The following MEIS2 variants were observed in gnomAD, a reference collection of about 807,000 sequenced individuals.
MEIS2 encodes the protein Meis homeobox 2, also known as homeobox protein Meis2.
Under a neutral mutation model 58.6 loss-of-function variants are expected in MEIS2, and 9 were observed. That is an observed-to-expected ratio of 0.15 (90% CI 0.09 to 0.27). The LOEUF is 0.27. Ranked by LOEUF, MEIS2 falls within the 10% of genes least tolerant of loss-of-function variation. MEIS2 has a pLI of 1.00. For missense variants in MEIS2, 427 were observed against 635.0 expected (o/e 0.67, Z 3.52); for synonymous variants, 221 against 228.4 (o/e 0.97, Z 0.29).
chr15:36,972,520 G>A (rs1357638596), intron 8 of MEIS2, among the ~76,000 whole-genome samples: 2 of 152,154 alleles, frequency 1.3e-5, no homozygotes, highest in East Asian at 3.9e-4. Context: ...GCCTCCCAAA[G>A]TGCTGGGATT....
intron 6 of MEIS2, among the ~76,000 whole-genome samples, chr15:37,085,021 A>G (rs2141922741): frequency 6.6e-6 from 1 of 152,352 alleles, no homozygotes; most frequent in South Asian, 2.1e-4. Flanking sequence ...CAATCAAAGT[A>G]TACAAAGTAT....
In MEIS2 at chr15:36,906,464, A is replaced by G. The variant is rs1034438945; in HGVS notation, c.978-9778T>C. On this transcript the variant is annotated intron_variant, in intron 9 of 11. Transcript: ENST00000561208. The stretch of plus-strand genomic sequence containing the variant: ...GATGAAAAAGGAGAGATACAAATAC[A>G]AAAGATATTAAGAGGATAAGTCTGA... Among the ~76,000 whole-genome samples, 5 of 152,162 alleles carry G rather than the reference A, an allele frequency of 3.3e-5. 1 individual carries two copies. The highest frequency in any genetic ancestry group is 6.5e-5 in the Admixed American group (1 of 15,286).
chr15:36,892,547 A>G, intron 11 of MEIS2, 88 bp from the exon 12 acceptor site: 1 of 1,223,802 alleles, frequency 8.2e-7, no homozygotes, highest in East Asian at 2.3e-5. Context: ...AAAAAAAAAA[A>G]AAAACAACAG....
At chr15:37,046,782 G>A (rs2062690724) in intron 7 of MEIS2, among the ~76,000 whole-genome samples, 1 of 151,630 alleles carries the variant, frequency 6.6e-6, no homozygotes, top group Non-Finnish European at 1.5e-5. Flanking sequence ...GAGAATGAAA[G>A]CTTCCAACAC....
At chr15:37,046,086 G>A (rs62045811) in intron 7 of MEIS2, among the ~76,000 whole-genome samples, 2,385 of 152,292 alleles carry the variant, frequency 0.016, 34 homozygotes, top group South Asian at 0.057. Flanking sequence ...CCAAATGCTC[G>A]GAGCTGCAGG....
chr15:37,054,649 G>A (rs2063061049), intron 7 of MEIS2, among the ~76,000 whole-genome samples: 1 of 152,148 alleles, frequency 6.6e-6, no homozygotes, highest in African/African-American at 2.4e-5. Flanking sequence ...CAACTTGTGA[G>A]CTCAAGCGAT....
intron 7 of MEIS2, among the ~76,000 whole-genome samples, chr15:37,068,214 G>A (rs1044982571): frequency 5.9e-5 from 9 of 152,226 alleles, no homozygotes; most frequent in African/African-American, 2.2e-4. Context: ...ACAAAGTTAT[G>A]AGCATTTGAG....
intron 8 of MEIS2, among the ~76,000 whole-genome samples, chr15:37,010,667 C>T (rs556103640): frequency 3.3e-5 from 5 of 152,324 alleles, no homozygotes; most frequent in East Asian, 1.9e-4. Flanking sequence ...GTTTGAGCCA[C>T]GGCACCCGGC....
At chr15:36,919,424 CAA>C (rs2057405611) in intron 9 of MEIS2, among the ~76,000 whole-genome samples, 1 of 151,804 alleles carries the variant, frequency 6.6e-6, no homozygotes, top group Admixed American at 6.6e-5. Context: ...ACCAAAAATA[CAA>C]AATTAGCTGG....
In MEIS2 at chr15:37,040,885, T is replaced by C. The variant is rs2062394451; in HGVS notation, c.755-3926A>G. On this transcript the variant is annotated intron_variant, in intron 7 of 11. Coordinates refer to ENST00000561208, the MANE Select transcript of MEIS2 (RefSeq NM_170675.5). ...TAGGGCGGGAAAAAGGAATTTGTAATTTCAACAATTCCTTGGGTTTGCTTA... is the reference window on the plus strand; with the variant it reads ...TAGGGCGGGAAAAAGGAATTTGTAACTTCAACAATTCCTTGGGTTTGCTTA... 1.3e-5 allele frequency among the ~76,000 whole-genome samples: 2 copies of C among 152,218 alleles called. 1 individual carries two copies. Among genetic ancestry groups the C allele is most frequent in the South Asian group, 4.1e-4 (2 of 4,832 alleles).
intron 8 of MEIS2, among the ~76,000 whole-genome samples, chr15:37,000,025 C>G (rs772321964): frequency 1.1e-4 from 17 of 152,106 alleles, no homozygotes; most frequent in Non-Finnish European, 2.4e-4. Flanking sequence ...CAAGTTGTAC[C>G]CTTTTTATCT....
intron 7 of MEIS2, among the ~76,000 whole-genome samples, chr15:37,049,074 C>A (rs1446869584): frequency 2.6e-5 from 4 of 152,112 alleles, no homozygotes; most frequent in Non-Finnish European, 5.9e-5. Flanking sequence ...ATGATGATTG[C>A]TTTAAATAAA....
At chr15:37,006,494 A>T (rs929531109) in intron 8 of MEIS2, among the ~76,000 whole-genome samples, 8 of 152,198 alleles carry the variant, frequency 5.3e-5, no homozygotes, top group Non-Finnish European at 1.2e-4. Flanking sequence ...TGGTCTATAA[A>T]CTATATTGTT....
intron 7 of MEIS2, among the ~76,000 whole-genome samples, chr15:37,077,825 G>A (rs1044245925): frequency 1.3e-5 from 2 of 151,990 alleles, no homozygotes; most frequent in Non-Finnish European, 2.9e-5. Context: ...TGATCATTTT[G>A]TTTAATCACC....
At chr15:37,015,357 G>C (rs1464078741) in intron 8 of MEIS2, among the ~76,000 whole-genome samples, 1 of 152,070 alleles carries the variant, frequency 6.6e-6, no homozygotes, top group East Asian at 1.9e-4. Context: ...AATTGCTGCT[G>C]GTTTAAATAA....
chr15:36,943,261 T>A (rs2058437854), intron 9 of MEIS2, among the ~76,000 whole-genome samples: 1 of 152,122 alleles, frequency 6.6e-6, no homozygotes, highest in Non-Finnish European at 1.5e-5. Flanking sequence ...AGAAACCATG[T>A]AGATCATGCC....
At chr15:37,045,788 T>C (rs2062641382) in intron 7 of MEIS2, among the ~76,000 whole-genome samples, 1 of 152,128 alleles carries the variant, frequency 6.6e-6, no homozygotes, top group South Asian at 2.1e-4. Flanking sequence ...CCCGCTAGCA[T>C]GGAGGGAAGC....
At chr15:37,007,666 G>A (rs2060972084) in intron 8 of MEIS2, among the ~76,000 whole-genome samples, 1 of 152,190 alleles carries the variant, frequency 6.6e-6, no homozygotes, top group Admixed American at 6.5e-5. Flanking sequence ...AACTAACACA[G>A]CTTCCCATCA....
At chr15:37,047,728 GA>G (rs1288768283) in intron 7 of MEIS2, among the ~76,000 whole-genome samples, 1 of 152,104 alleles carries the variant, frequency 6.6e-6, no homozygotes, top group African/African-American at 2.4e-5. Flanking sequence ...TCCTACAGAA[GA>G]AAAAAGGTGG....
Sources: allele counts gnomAD v4.1 joint callset (sites outside exome capture counted in the v4.1 genomes callset), GRCh38; gene constraint gnomAD v4.1.1; transcripts MANE v1.5; gene names NCBI Gene and HGNC (gene_info 2026-07-23, HGNC 2026-07-21).